Variants in LFNG observed in about 807,000 individuals in gnomAD.
LFNG encodes the protein LFNG O-fucosylpeptide 3-beta-N-acetylglucosaminyltransferase, also known as beta-1,3-N-acetylglucosaminyltransferase lunatic fringe.
Under a neutral mutation model 32.7 loss-of-function variants are expected in LFNG, and 15 were observed. The observed-to-expected ratio is 0.46, with a 90% CI of 0.31 to 0.71. LFNG has a LOEUF of 0.71. LFNG is among the 30% of genes least tolerant of loss of function. LFNG has a pLI of 0.06. For missense variants in LFNG, 520 were observed against 545.7 expected (o/e 0.95, Z 0.47); for synonymous variants, 274 against 246.8 (o/e 1.11, Z -1.03).
chr7:2,527,471 A>G lies in LFNG; in HGVS notation c.*259A>G. On this transcript the variant is annotated 3_prime_UTR_variant, in exon 8 of 8. Transcript: ENST00000222725. The surrounding 1 kb of genome is among the most constrained non-coding windows in gnomAD (Gnocchi z 4.4). Reference sequence around the variant, plus strand: ...CCAGTGGGCTGCAGGGCCTGCTTGGAGGAAGGATTTGTGTGTCGGAGGCCA... The same window carrying G: ...CCAGTGGGCTGCAGGGCCTGCTTGGGGGAAGGATTTGTGTGTCGGAGGCCA... The G allele has an allele frequency of 7.1e-7, 1 of 1,406,958 alleles. No homozygotes were observed. The highest frequency in any genetic ancestry group is 9.3e-7 in the Non-Finnish European group (1 of 1,080,352). The allele number at this position is 1,406,958 out of a possible 1,614,324, so 87.2% of individuals were successfully genotyped here.
chr7:2,525,601 A>T (rs1190001036), intron 4 of LFNG, 34 bp downstream of exon 4: 1 of 1,612,030 alleles, frequency 6.2e-7, no homozygotes, highest in Admixed American at 1.7e-5. Context: ...CCCCACGCCC[A>T]CGCGGAGCGC....
Position 2,526,801 on chromosome 7 carries a change from G to A in LFNG, c.988-35G>A, listed in dbSNP as rs1309177555. ...CTGGGGCGGGGCCCAGGGATGTCGG[G>A]CCCCTCCCGGCATCACTCCGCCCGC... On this transcript the variant is annotated intron_variant, in intron 6 of 7. Transcript: ENST00000222725. This position sits in a 1 kb window ranked among gnomAD's most constrained non-coding sequence, Gnocchi z 6.9. The A allele has an allele frequency of 3.7e-6, 6 of 1,600,924 alleles. No individual in the cohort carries two copies. The South Asian group carries it at 6.6e-5, about 18-fold the overall frequency.
At chr7:2,514,993 TC>T (rs1420338363), upstream of LFNG, among the ~76,000 whole-genome samples, 1 of 151,832 alleles carries the variant, frequency 6.6e-6, no homozygotes, top group Non-Finnish European at 1.5e-5. Context: ...CATCCGTCCG[TC>T]CATCCATCTG....
chr7:2,522,214 G>A (rs1779811576), intron 1 of LFNG, among the ~76,000 whole-genome samples: 1 of 152,200 alleles, frequency 6.6e-6, no homozygotes, highest in Non-Finnish European at 1.5e-5. Flanking sequence ...GAGGGAGGAG[G>A]GAAGACTTCC....
At position 2,520,034 on chromosome 7, in the gene LFNG, G is replaced by A. The variant is rs1469779486; in HGVS notation, c.173G>A (p.Gly58Glu). The stretch of plus-strand genomic sequence containing the variant: ...GGGGCTGCCCCGGCGCCCGGGCTGG[G>A]GGCGGCGGCGGCGGCGCCCGGGGCG... ...PAGAAPAPGLGAAAAAPGALV... is the reference protein window; with the variant it reads ...PAGAAPAPGLEAAAAAPGALV... The change falls in exon 1 of 8, where the codon GGG (glycine) becomes GAG (glutamate). Residue 58 changes from glycine (G) to glutamate (E), a missense_variant. Coordinates refer to ENST00000222725, the MANE Select transcript of LFNG (RefSeq NM_001040167.2). The surrounding 1 kb of genome is among the most constrained non-coding windows in gnomAD (Gnocchi z 5.0). 2.9e-6 allele frequency: 3 copies of A among 1,049,208 alleles called. No homozygotes were observed. Among genetic ancestry groups the A allele is most frequent in the Non-Finnish European group, 3.4e-6 (3 of 875,364 alleles). The allele number at this position is 1,049,208 out of a possible 1,614,324, so 65.0% of individuals were successfully genotyped here.
chr7:2,526,448 A>G lies in LFNG; in HGVS notation c.987+39A>G, dbSNP rs185710320. The G allele has an allele frequency of 5.5e-4, 883 of 1,598,838 alleles. 17 individuals carry two copies. In the East Asian group the frequency reaches 0.018, roughly 33 times the overall value. ...CGGGCCCCGCCAGGACTCCGAGAGCACAGGAAGGGACGTGTGGCTGCCGAG... is the reference window on the plus strand; with the variant it reads ...CGGGCCCCGCCAGGACTCCGAGAGCGCAGGAAGGGACGTGTGGCTGCCGAG... On this transcript the variant is annotated intron_variant, in intron 6 of 7. Coordinates refer to ENST00000222725, the MANE Select transcript of LFNG (RefSeq NM_001040167.2). The surrounding 1 kb of genome is among the most constrained non-coding windows in gnomAD (Gnocchi z 6.9).
intron 1 of LFNG, among the ~76,000 whole-genome samples, chr7:2,524,103 G>A (rs1324885715): frequency 6.6e-6 from 1 of 152,202 alleles, no homozygotes; most frequent in Non-Finnish European, 1.5e-5. Flanking sequence ...CGCCAGCCCA[G>A]GACAAAGCTG....
chr7:2,518,739 G>A (rs1779692586), upstream of LFNG: 1 of 1,203,430 alleles, frequency 8.3e-7, no homozygotes, highest in Non-Finnish European at 1.1e-6. Context: ...AGGAGGGCAC[G>A]GGAAGACAGC....
chr7:2,515,847 C>G, upstream of LFNG, among the ~76,000 whole-genome samples: 1 of 152,212 alleles, frequency 6.6e-6, no homozygotes. Flanking sequence ...GTCTGCTAGT[C>G]TCAGGGCAGT....
In LFNG at chr7:2,519,882, G is replaced by A; in HGVS notation, c.21G>A (p.Arg7=). The A allele has an allele frequency of 9.1e-7, 1 of 1,104,198 alleles. No individual in the cohort carries two copies. The allele number at this position is 1,104,198 out of a possible 1,614,324, so 68.4% of individuals were successfully genotyped here. The change falls in exon 1 of 8, where the codon CGG becomes CGA. Residue 7 remains arginine (R), a synonymous_variant. Transcript: ENST00000222725. The part of the protein sequence containing the change: MLKRCG[R]RLLLALAGAL... ...CCACCATGCTCAAGCGCTGCGGCCG[G>A]CGCCTGCTGCTGGCGCTGGCGGGCG...
chr7:2,526,783 G>A lies in LFNG; in HGVS notation c.988-53G>A, dbSNP rs886678544. Reference sequence around the variant, plus strand: ...CAGGGCTGTGTGGCCAGCCTGGGGCGGGGCCCAGGGATGTCGGGCCCCTCC... The same window carrying A: ...CAGGGCTGTGTGGCCAGCCTGGGGCAGGGCCCAGGGATGTCGGGCCCCTCC... On this transcript the variant is annotated intron_variant, in intron 6 of 7. Transcript: ENST00000222725. This position sits in a 1 kb window ranked among gnomAD's most constrained non-coding sequence, Gnocchi z 6.9. The A allele has an allele frequency of 9.0e-5, 140 of 1,551,508 alleles. No homozygotes were observed. Among genetic ancestry groups the A allele is most frequent in the African/African-American group, 4.3e-4 (32 of 73,654 alleles).
intron 1 of LFNG, among the ~76,000 whole-genome samples, chr7:2,524,042 G>C (rs1583274955): frequency 6.6e-6 from 1 of 152,148 alleles, no homozygotes; most frequent in Non-Finnish European, 1.5e-5. Flanking sequence ...TGGGCGGCGC[G>C]GCCACTCTGC....
chr7:2,525,708 C>A lies in LFNG; in HGVS notation c.759C>A (p.Ala253=), dbSNP rs1779949123. Residue 253 remains alanine, a synonymous_variant, in exon 5 of 8, where the codon GCC becomes GCA. Transcript: ENST00000222725. The part of the protein sequence containing the change: ...NKVRPVHFWF[A]TGGAGFCISR... ...AGCGTCCTGTCCACTTCTGGTTTGC[C>A]ACGGGCGGCGCTGGCTTCTGCATCA... The A allele has an allele frequency of 6.2e-7, 1 of 1,613,018 alleles. No homozygotes were observed. Among genetic ancestry groups the A allele is most frequent in the Admixed American group, 1.7e-5 (1 of 60,014 alleles).
At chr7:2,518,648 A>C (rs1216274554), upstream of LFNG, 3 of 1,598,050 alleles carry the variant, frequency 1.9e-6, no homozygotes, top group African/African-American at 2.7e-5. Flanking sequence ...ATGCCATCTC[A>C]GGCGTGAACA....
chr7:2,513,361 C>A, upstream of LFNG: 1 of 1,555,298 alleles, frequency 6.4e-7, no homozygotes, highest in Non-Finnish European at 8.7e-7. Flanking sequence ...CATAACCTCC[C>A]CTTCTTCTGC....
At chr7:2,528,453 G>C (rs745320633), downstream of LFNG, 15 of 993,508 alleles carry the variant, frequency 1.5e-5, no homozygotes, top group African/African-American at 3.5e-5. Flanking sequence ...GGTCTTGGCT[G>C]GAGGTGGGGC....
At chr7:2,513,337 G>C, upstream of LFNG, 2 of 1,584,494 alleles carry the variant, frequency 1.3e-6, no homozygotes, top group South Asian at 2.3e-5. Flanking sequence ...AGGTGTGATC[G>C]CCATTCCTGG....
intron 1 of LFNG, among the ~76,000 whole-genome samples, chr7:2,522,577 C>T (rs1779824376): frequency 6.6e-6 from 1 of 152,140 alleles, no homozygotes; most frequent in Non-Finnish European, 1.5e-5. Context: ...CCCCCGGCCC[C>T]CGCCCCCGTC....
upstream of LFNG, chr7:2,513,169 C>A: frequency 6.2e-7 from 1 of 1,613,766 alleles, no homozygotes; most frequent in East Asian, 2.2e-5. Context: ...CCAAGCAGAT[C>A]TGGGCATGGA....
Sources: gnomAD v4.1 joint callset for allele counts (sites outside exome capture counted in the v4.1 genomes callset) on GRCh38, gnomAD v4.1.1 for gene constraint, Gnocchi (gnomAD v3.1) non-coding constraint, MANE v1.5 for transcripts, NCBI Gene and HGNC (gene_info 2026-07-23, HGNC 2026-07-21) for gene names.